The following SCUBE1 variants were observed in gnomAD, a reference collection of about 807,000 sequenced individuals.
SCUBE1 encodes the protein signal peptide, CUB domain and EGF like domain containing 1.
SCUBE1 carries 59 observed loss-of-function variants against 124.4 expected under a neutral mutation model. The observed-to-expected ratio is 0.47, with a 90% confidence interval of 0.38 to 0.59. SCUBE1 has a LOEUF of 0.59. SCUBE1 is among the 20% of genes least tolerant of loss of function. The pLI is 0.00. For missense variants in SCUBE1, 1,150 were observed against 1,371.2 expected, an observed-to-expected ratio of 0.84 and a Z score of 2.55; for synonymous variants, 545 against 550.9, an observed-to-expected ratio of 0.99 and a Z score of 0.15.
At position 43,199,056 on chromosome 22, in the gene SCUBE1, T is replaced by C. The variant is rs993713344; in HGVS notation, c.*4941A>G. 47 of 338,232 alleles carry C rather than the reference T, an allele frequency of 1.4e-4. No homozygotes were observed. The highest frequency in any genetic ancestry group is 7.5e-4 in the African/African-American group (34 of 45,332). 21.0% of individuals were successfully genotyped at this position (338,232 alleles called of 1,614,324 possible). A position where few individuals can be genotyped will look rare whatever the true frequency, so the allele number is the denominator to read the frequency against. On this transcript the variant is annotated 3_prime_UTR_variant, in exon 22 of 22. Transcript: ENST00000360835. ...CTGCTGTCCAGGGCAATGTGTCTGT[T>C]TGTCTGTCTGCTGTCCGGGGCAGTT...
intron 6 of SCUBE1, among the ~76,000 whole-genome samples, chr22:43,244,325 G>A (rs1923121156): frequency 1.3e-5 from 2 of 152,248 alleles, no homozygotes. Context: ...GGGCAGCGCT[G>A]TCTGTGTGTG....
chr22:43,287,677 G>T (rs903408752), intron 4 of SCUBE1, among the ~76,000 whole-genome samples: 1 of 152,234 alleles, frequency 6.6e-6, no homozygotes, highest in Non-Finnish European at 1.5e-5. Context: ...GAGCTGGACA[G>T]GCATGAGGAA....
At position 43,246,832 on chromosome 22, in the gene SCUBE1, T is replaced by C. The variant is rs373511567; in HGVS notation, c.728-7878A>G. Among the ~76,000 whole-genome samples the C allele has an allele frequency of 1.1e-3, 161 of 152,306 alleles. No individual in the cohort carries two copies. In the Middle Eastern group the frequency reaches 0.048, roughly 45 times the overall value. ...TTCAGGTGGGCCTCCGGCAGTGATGTGCTCCCCACTCCCACCCTCCCACCC... is the reference window on the plus strand; with the variant it reads ...TTCAGGTGGGCCTCCGGCAGTGATGCGCTCCCCACTCCCACCCTCCCACCC... On this transcript the variant is annotated intron_variant, in intron 6 of 21. Coordinates refer to ENST00000360835, the MANE Select transcript of SCUBE1 (RefSeq NM_173050.5).
chr22:43,217,013 A>T (rs1392414584), intron 15 of SCUBE1, among the ~76,000 whole-genome samples: 8 of 33,310 alleles, frequency 2.4e-4, no homozygotes, highest in African/African-American at 1.1e-3. Flanking sequence ...TCACCTCTTT[A>T]CCAACAGCTT....
intron 2 of SCUBE1, among the ~76,000 whole-genome samples, chr22:43,330,197 G>C (rs112211170): frequency 0.011 from 1,656 of 152,268 alleles, 21 homozygotes; most frequent in African/African-American, 0.038. Context: ...CCATGTGATG[G>C]ATGAGGAAAC....
intron 15 of SCUBE1, among the ~76,000 whole-genome samples, chr22:43,215,365 T>C (rs2146660243): frequency 6.6e-6 from 1 of 152,152 alleles, no homozygotes; most frequent in South Asian, 2.1e-4. Flanking sequence ...GACCCAGAGG[T>C]AAACGGCCAT....
intron 3 of SCUBE1, among the ~76,000 whole-genome samples, chr22:43,307,644 G>A (rs192075829): frequency 2.0e-5 from 3 of 152,332 alleles, no homozygotes; most frequent in Admixed American, 1.3e-4. Flanking sequence ...CAGGAACTTT[G>A]CAGAGGTAGA....
At chr22:43,303,671 CTGTAGT>C (rs1383943396) in intron 3 of SCUBE1, among the ~76,000 whole-genome samples, 1 of 152,248 alleles carries the variant, frequency 6.6e-6, no homozygotes, top group Non-Finnish European at 1.5e-5. Flanking sequence ...CACATTCTGT[CTGTAGT>C]TCTCCTCCTC....
chr22:43,214,042 C>T (rs1244814988), intron 16 of SCUBE1, 48 bp downstream of exon 16: 4 of 431,094 alleles, frequency 9.3e-6, no homozygotes, highest in Admixed American at 4.5e-5. Context: ...ACAGGAGGAG[C>T]CCCCGCCCAC....
intron 4 of SCUBE1, among the ~76,000 whole-genome samples, chr22:43,264,388 G>C (rs887939940): frequency 5.3e-5 from 8 of 152,204 alleles, no homozygotes; most frequent in African/African-American, 1.9e-4. Flanking sequence ...GTCTGTCTGT[G>C]GGGGCACTGG....
rs1040719613 is a variant in SCUBE1 at position 43,212,409 on chromosome 22, G to T, written c.2221+16C>A. 6 of 1,548,702 alleles carry T rather than the reference G, an allele frequency of 3.9e-6. No individual in the cohort carries two copies. In the African/African-American group the frequency reaches 8.2e-5, roughly 21 times the overall value. ...CCTCTCGGGGTGGGCGGGCGTGGTG[G>T]GGAGGGCATGCTCACCTTTAGCCTC... On this transcript the variant is annotated intron_variant, in intron 17 of 21. Transcript: ENST00000360835.
chr22:43,223,053 A>T, intron 11 of SCUBE1, 44 bp downstream of exon 11: 1 of 1,489,724 alleles, frequency 6.7e-7, no homozygotes, highest in Non-Finnish European at 8.9e-7. Context: ...AGGGAGGAAG[A>T]CCCCCCTGCC....
At chr22:43,308,727 C>T (rs544958652) in intron 3 of SCUBE1, among the ~76,000 whole-genome samples, 1 of 152,346 alleles carries the variant, frequency 6.6e-6, no homozygotes, top group East Asian at 1.9e-4. Context: ...TGCAGCTGGG[C>T]TCCAGGCCCC....
In SCUBE1 at chr22:43,202,597, C is replaced by T. The variant is rs1921049437; in HGVS notation, c.*1400G>A. 1 of 152,200 alleles carries T rather than the reference C, an allele frequency of 6.6e-6. No homozygotes were observed. Among genetic ancestry groups the T allele is most frequent in the African/African-American group, 2.4e-5 (1 of 41,442 alleles). The allele number at this position is 152,200 out of a possible 1,614,324, so 9.4% of individuals were successfully genotyped here. A position where few individuals can be genotyped will look rare whatever the true frequency, so the allele number is the denominator to read the frequency against. ...GGTCACAGCCCAGACTCTCTTTCTC[C>T]CGACATTTCCCTGCTTGCTTCTCTC... On this transcript the variant is annotated 3_prime_UTR_variant, in exon 22 of 22. Coordinates refer to ENST00000360835, the MANE Select transcript of SCUBE1 (RefSeq NM_173050.5).
chr22:43,281,440 CA>C (rs2146737437), intron 4 of SCUBE1, among the ~76,000 whole-genome samples: 2 of 62,114 alleles, frequency 3.2e-5, no homozygotes, highest in African/African-American at 1.3e-4. Flanking sequence ...CTCCCTTGGC[CA>C]CCCTCCTGTC....
intron 6 of SCUBE1, among the ~76,000 whole-genome samples, chr22:43,247,956 G>C (rs1923283282): frequency 6.6e-6 from 1 of 152,258 alleles, no homozygotes; most frequent in Admixed American, 6.5e-5. Flanking sequence ...AGGGCACTGA[G>C]GTTGCATCTC....
intron 6 of SCUBE1, among the ~76,000 whole-genome samples, chr22:43,245,508 C>A: frequency 6.6e-6 from 1 of 152,132 alleles, no homozygotes; most frequent in East Asian, 1.9e-4. Flanking sequence ...GGCTGCAGCC[C>A]TGACAAGGAA....
At chr22:43,219,975 C>T (rs1046850889) in intron 14 of SCUBE1, among the ~76,000 whole-genome samples, 1 of 152,214 alleles carries the variant, frequency 6.6e-6, no homozygotes, top group Non-Finnish European at 1.5e-5. Flanking sequence ...CCATACCACA[C>T]TTATCTGCTG....
intron 2 of SCUBE1, among the ~76,000 whole-genome samples, chr22:43,325,937 T>G (rs961048643): frequency 2.0e-5 from 3 of 151,964 alleles, no homozygotes; most frequent in South Asian, 2.1e-4. Context: ...GAGGTGTTTT[T>G]TTTTTTTTTA....
Sources: allele counts gnomAD v4.1 joint callset (sites outside exome capture counted in the v4.1 genomes callset), GRCh38; gene constraint gnomAD v4.1.1; transcripts MANE v1.5; gene names NCBI Gene and HGNC (gene_info 2026-07-23, HGNC 2026-07-21).